The following MAPK10 variants were observed in gnomAD, a reference collection of about 807,000 sequenced individuals.
MAPK10 encodes JNK3 alpha protein kinase.
MAPK10 carries 25 observed loss-of-function variants against 59.3 expected under a neutral mutation model. The ratio of observed to expected loss-of-function variants is 0.42; its 90% CI spans 0.31 to 0.59. The LOEUF is 0.59. Ranked by LOEUF, MAPK10 falls within the 20% of genes least tolerant of loss-of-function variation. The pLI is 0.15. For synonymous variants in MAPK10, 190 were observed against 200.5 expected (o/e 0.95, Z 0.44); for missense variants, 351 against 568.9 (o/e 0.62, Z 3.90).
exon 1 of MAPK10, chr4:86,594,046 C>G (rs1297736337): frequency 1.3e-5 from 2 of 152,284 alleles, no homozygotes; most frequent in Admixed American, 1.3e-4. Flanking sequence ...GGAACTCTGC[C>G]GCTCGGTCAC....
At chr4:86,256,928 A>G (rs1006816324) in intron 2 of MAPK10, among the ~76,000 whole-genome samples, 5 of 150,288 alleles carry the variant, frequency 3.3e-5, no homozygotes, top group South Asian at 2.1e-4. Context: ...AATTTTTTGT[A>G]TTTTTAGTGG....
intron 2 of MAPK10, among the ~76,000 whole-genome samples, chr4:86,314,275 C>T (rs2095731401): frequency 6.6e-6 from 1 of 152,084 alleles, no homozygotes; most frequent in African/African-American, 2.4e-5. Context: ...TATGGTTTGG[C>T]TTTGTGTCCC....
At chr4:86,342,159 G>C (rs1725354391) in intron 2 of MAPK10, among the ~76,000 whole-genome samples, 1 of 152,180 alleles carries the variant, frequency 6.6e-6, no homozygotes, top group African/African-American at 2.4e-5. Flanking sequence ...GTAGGGAAAA[G>C]TCAGAATAAT....
intron 3 of MAPK10, among the ~76,000 whole-genome samples, chr4:86,190,280 G>A (rs1212195789): frequency 6.6e-6 from 1 of 152,082 alleles, no homozygotes; most frequent in Non-Finnish European, 1.5e-5. Context: ...TAAGGAAGGA[G>A]TCCCTCTTTT....
chr4:86,529,179 G>A (rs1757688312), intron 1 of MAPK10, among the ~76,000 whole-genome samples: 1 of 152,218 alleles, frequency 6.6e-6, no homozygotes, highest in South Asian at 2.1e-4. Flanking sequence ...CGGGCTCGAT[G>A]AGGACCAGAG....
At chr4:86,203,019 G>A (rs1167567396) in intron 2 of MAPK10, among the ~76,000 whole-genome samples, 1 of 151,976 alleles carries the variant, frequency 6.6e-6, no homozygotes, top group Admixed American at 6.6e-5. Context: ...AAACAACACA[G>A]ATGATCAAGG....
At chr4:86,217,191 C>T (rs756751058) in intron 2 of MAPK10, among the ~76,000 whole-genome samples, 20 of 152,136 alleles carry the variant, frequency 1.3e-4, no homozygotes, top group Non-Finnish European at 2.5e-4. Flanking sequence ...AAAATTGCCT[C>T]TTAGGAATTG....
At chr4:86,543,882 A>C (rs561499022) in intron 1 of MAPK10, among the ~76,000 whole-genome samples, 40 of 152,320 alleles carry the variant, frequency 2.6e-4, no homozygotes, top group Admixed American at 1.6e-3. Flanking sequence ...TTCACTAAAC[A>C]AACAAACAAA....
intron 2 of MAPK10, among the ~76,000 whole-genome samples, chr4:86,340,809 GAGAA>G (rs1295005192): frequency 6.6e-6 from 1 of 152,020 alleles, no homozygotes; most frequent in Non-Finnish European, 1.5e-5. Context: ...GTGTGACTAA[GAGAA>G]AGACTCAATA....
intron 2 of MAPK10, among the ~76,000 whole-genome samples, chr4:86,337,195 A>G (rs1034484368): frequency 6.6e-6 from 1 of 152,160 alleles, no homozygotes; most frequent in Non-Finnish European, 1.5e-5. Flanking sequence ...AAATACAATA[A>G]AATCTATTCT....
chr4:86,379,643 G>T (rs1263742650), intron 1 of MAPK10, among the ~76,000 whole-genome samples: 2 of 152,200 alleles, frequency 1.3e-5, no homozygotes, highest in Non-Finnish European at 2.9e-5. Flanking sequence ...TTAAGGATGT[G>T]CTCCTGCTGC....
At chr4:86,380,583 C>A (rs938687031) in intron 1 of MAPK10, among the ~76,000 whole-genome samples, 1 of 152,158 alleles carries the variant, frequency 6.6e-6, no homozygotes, top group African/African-American at 2.4e-5. Context: ...ATCTAGCCTA[C>A]TTGTTTTCAA....
chr4:86,548,460 A>G (rs536508107), intron 1 of MAPK10, among the ~76,000 whole-genome samples: 12 of 152,240 alleles, frequency 7.9e-5, no homozygotes, highest in African/African-American at 2.4e-4. Flanking sequence ...GATAACTGCT[A>G]TGGTTTGGAT....
chr4:86,225,720 A>G (rs572010613), intron 2 of MAPK10, among the ~76,000 whole-genome samples: 1 of 152,190 alleles, frequency 6.6e-6, no homozygotes, highest in Non-Finnish European at 1.5e-5. Context: ...CTTTATGCTC[A>G]ATAGGTACTA....
chr4:86,482,396 C>T (rs572482386), intron 1 of MAPK10, among the ~76,000 whole-genome samples: 19 of 152,204 alleles, frequency 1.2e-4, no homozygotes, highest in Non-Finnish European at 2.2e-4. Context: ...GAATGAAATG[C>T]TGTGTTAAGT....
At chr4:86,309,699 C>T (rs1458055168) in intron 2 of MAPK10, among the ~76,000 whole-genome samples, 1 of 152,140 alleles carries the variant, frequency 6.6e-6, no homozygotes, top group Non-Finnish European at 1.5e-5. Flanking sequence ...TCCTCAGTGA[C>T]AATTTCACAA....
chr4:86,479,101 T>C (rs1753362069), intron 1 of MAPK10, among the ~76,000 whole-genome samples: 1 of 152,100 alleles, frequency 6.6e-6, no homozygotes, highest in Admixed American at 6.5e-5. Context: ...GTAGAGGCCT[T>C]TCCCACAGGA....
chr4:86,436,183 A>G (rs1447653848), intron 1 of MAPK10, among the ~76,000 whole-genome samples: 1 of 152,166 alleles, frequency 6.6e-6, no homozygotes, highest in African/African-American at 2.4e-5. Context: ...ACTTTGAGCA[A>G]CACTAGACCC....
intron 13 of MAPK10, among the ~76,000 whole-genome samples, chr4:86,022,078 G>A (rs1311763055): frequency 6.6e-6 from 1 of 152,246 alleles, no homozygotes; most frequent in East Asian, 1.9e-4. Flanking sequence ...GGGGCTGAAA[G>A]GCTCCTCAAA....
Sources: allele counts gnomAD v4.1 joint callset (sites outside exome capture counted in the v4.1 genomes callset), GRCh38; gene constraint gnomAD v4.1.1; transcripts MANE v1.5; gene names NCBI Gene and HGNC (gene_info 2026-07-23, HGNC 2026-07-21).